Variants in SLC5A10 observed in about 807,000 individuals in gnomAD.
The protein encoded by SLC5A10 is solute carrier family 5 member 10.
SLC5A10 carries 55 observed loss-of-function variants against 68.9 expected under a neutral mutation model. The ratio of observed to expected loss-of-function variants is 0.80; its 90% CI spans 0.64 to 1.00. The LOEUF is 1.00. SLC5A10 is among the 50% of genes least tolerant of loss of function. The probability of loss-of-function intolerance (pLI) is 0.00; values close to 1 mark genes in which losing one functional copy is unlikely to be tolerated. For missense variants in SLC5A10, 732 were observed against 819.3 expected, an observed-to-expected ratio of 0.89 and a Z score of 1.30; for synonymous variants, 344 against 344.8, an observed-to-expected ratio of 1.00 and a Z score of 0.02.
In SLC5A10 at chr17:18,971,945, C is replaced by T. The variant is rs573973177; in HGVS notation, c.846+727C>T. Among the ~76,000 whole-genome samples, 69 of 152,224 alleles carry T rather than the reference C, an allele frequency of 4.5e-4. No individual in the cohort carries two copies. Among genetic ancestry groups the T allele is most frequent in the Non-Finnish European group, 7.6e-4 (52 of 68,038 alleles). ...CCCCTGTCTGTAATATGGGAATAAT[C>T]CTGCCCTTTGTGGGTGTAGCAAGGC... is the stretch of plus-strand genomic sequence containing the variant. On this transcript the variant is annotated intron_variant, in intron 8 of 14. Coordinates refer to ENST00000395645, the MANE Select transcript of SLC5A10 (RefSeq NM_001042450.4). The surrounding 1 kb of genome is among the most constrained non-coding windows in gnomAD (Gnocchi z 5.5).
chr17:18,960,863 C>A (rs1448611823), intron 5 of SLC5A10, among the ~76,000 whole-genome samples: 2 of 152,174 alleles, frequency 1.3e-5, no homozygotes, highest in Non-Finnish European at 2.9e-5. Flanking sequence ...CAGCAGCCAG[C>A]CCTAGTCAGG....
intron 9 of SLC5A10, chr17:18,978,171 C>G (rs1307599617): frequency 2.6e-6 from 4 of 1,537,834 alleles, no homozygotes; most frequent in African/African-American, 1.4e-5. Flanking sequence ...GGCAATGGCT[C>G]AGGGTCCCCC....
intron 1 of SLC5A10, among the ~76,000 whole-genome samples, chr17:18,952,977 C>T (rs1220681752): frequency 6.6e-6 from 1 of 152,078 alleles, no homozygotes; most frequent in Non-Finnish European, 1.5e-5. Context: ...TCGTGGAGGC[C>T]TTCCTGAGGG....
At position 19,020,313 on chromosome 17, in the gene SLC5A10, A is replaced by G. The variant is rs1283966041; in HGVS notation, c.1685-12A>G. On this transcript the variant is annotated splice_polypyrimidine_tract_variant and intron_variant, in intron 14 of 14. Coordinates refer to ENST00000395645, the MANE Select transcript of SLC5A10 (RefSeq NM_001042450.4). Reference sequence around the variant, plus strand: ...CCTTCATCTGTCCCTCTCCTTCTGCAACCCCCTCCAGGTGATGGCCAAACA... The same window carrying G: ...CCTTCATCTGTCCCTCTCCTTCTGCGACCCCCTCCAGGTGATGGCCAAACA... The G allele has an allele frequency of 6.2e-7, 1 of 1,614,008 alleles. No homozygotes were observed. The highest frequency in any genetic ancestry group is 2.2e-5 in the East Asian group (1 of 44,872).
At chr17:18,988,593 TG>T (rs1333075251) in intron 9 of SLC5A10, among the ~76,000 whole-genome samples, 7 of 152,206 alleles carry the variant, frequency 4.6e-5, no homozygotes, top group Non-Finnish European at 1.0e-4. Flanking sequence ...TCTCTTGCCC[TG>T]AAGTTCTAGT....
At chr17:18,964,723 G>A (rs1011637922) in intron 5 of SLC5A10, among the ~76,000 whole-genome samples, 2 of 152,180 alleles carry the variant, frequency 1.3e-5, no homozygotes, top group African/African-American at 2.4e-5. Context: ...AGCTCATGGG[G>A]CTGGGGGTGT....
Position 19,020,532 on chromosome 17 carries a change from C to T in SLC5A10, c.*101C>T. On this transcript the variant is annotated 3_prime_UTR_variant, in exon 15 of 15. Transcript: ENST00000395645. ...CCCCAAGAGGGGCAGATTCCCCTCA[C>T]AGCTGCACAGCAGCTCGGTGCCCAA... 9.0e-7 allele frequency: 1 copy of T among 1,109,730 alleles called. No individual in the cohort carries two copies. Among genetic ancestry groups the T allele is most frequent in the Non-Finnish European group, 1.3e-6 (1 of 767,372 alleles). The allele number at this position is 1,109,730 out of a possible 1,614,324, so 68.7% of individuals were successfully genotyped here. A position where few individuals can be genotyped will look rare whatever the true frequency, so the allele number is the denominator to read the frequency against.
chr17:19,014,985 C>T (rs1331817013), intron 10 of SLC5A10, 64 bp from the exon 11 acceptor site: 24 of 1,566,240 alleles, frequency 1.5e-5, no homozygotes, highest in East Asian at 9.0e-5. Context: ...AGAGCCCAGG[C>T]GGGAGGGGTT....
chr17:19,010,047 C>T (rs540040286), intron 9 of SLC5A10, among the ~76,000 whole-genome samples: 2 of 151,896 alleles, frequency 1.3e-5, no homozygotes, highest in South Asian at 2.1e-4. Flanking sequence ...GGTGGCCGAG[C>T]GAGGTGGCCA....
At chr17:18,957,318 T>C (rs1337183200) in intron 1 of SLC5A10, among the ~76,000 whole-genome samples, 2 of 152,126 alleles carry the variant, frequency 1.3e-5, no homozygotes, top group African/African-American at 2.4e-5. Flanking sequence ...TTTATTCCAC[T>C]TACATGGAGG....
intron 1 of SLC5A10, among the ~76,000 whole-genome samples, chr17:18,954,491 T>C (rs2042447525): frequency 6.6e-6 from 1 of 152,162 alleles, no homozygotes; most frequent in South Asian, 2.1e-4. Flanking sequence ...CTGGCCCAGC[T>C]GGGAGCGGCT....
In SLC5A10 at chr17:19,003,661, G is replaced by A; in HGVS notation, c.983-9749G>A. The A allele has an allele frequency of 2.5e-6, 4 of 1,611,922 alleles. No homozygotes were observed. Among genetic ancestry groups the A allele is most frequent in the Non-Finnish European group, 3.4e-6 (4 of 1,179,406 alleles). On this transcript the variant is annotated intron_variant, in intron 9 of 14. Coordinates refer to ENST00000395645, the MANE Select transcript of SLC5A10 (RefSeq NM_001042450.4). The surrounding 1 kb of genome is among the most constrained non-coding windows in gnomAD (Gnocchi z 4.5). ...GCCAGCCCAGGTCCAGCTGCGGGAT[G>A]GAGCGGTCCGACTTCTGGGGCCAGT...
intron 1 of SLC5A10, among the ~76,000 whole-genome samples, chr17:18,957,685 C>T (rs1259811110): frequency 2.0e-5 from 3 of 152,106 alleles, no homozygotes; most frequent in Non-Finnish European, 2.9e-5. Context: ...AGGATGGACT[C>T]GTTCTCTTGA....
In SLC5A10 at chr17:19,022,340, T is replaced by C; in HGVS notation, c.*1909T>C. 2.3e-6 allele frequency: 1 copy of C among 442,646 alleles called. No individual in the cohort carries two copies. The highest frequency in any genetic ancestry group is 4.1e-6 in the Non-Finnish European group (1 of 246,402). 27.4% of individuals were successfully genotyped at this position (442,646 alleles called of 1,614,324 possible). ...TGCCCACACCCCTGCCTGTCTGCTGTGCAGATGCTGCATCTACATAGAACA... is the reference window on the plus strand; with the variant it reads ...TGCCCACACCCCTGCCTGTCTGCTGCGCAGATGCTGCATCTACATAGAACA... On this transcript the variant is annotated 3_prime_UTR_variant, in exon 15 of 15. Transcript: ENST00000395645.
chr17:18,992,051 C>T (rs898732970), intron 9 of SLC5A10, among the ~76,000 whole-genome samples: 5 of 152,096 alleles, frequency 3.3e-5, no homozygotes, highest in African/African-American at 1.2e-4. Flanking sequence ...AGCGAGCCTG[C>T]GCCTGCCCCA....
intron 5 of SLC5A10, among the ~76,000 whole-genome samples, chr17:18,963,590 G>A (rs1001495800): frequency 3.9e-5 from 6 of 152,246 alleles, no homozygotes; most frequent in Admixed American, 6.5e-5. Context: ...GCGCCCAGGC[G>A]GTCCCCAGAG....
intron 2 of SLC5A10, 87 bp from the exon 3 acceptor site, chr17:18,959,048 T>C: frequency 1.5e-6 from 2 of 1,328,138 alleles, no homozygotes; most frequent in Non-Finnish European, 2.1e-6. Context: ...CGCTTAGGTT[T>C]GTGAGGATGA....
At chr17:18,978,911 C>T (rs368967053) in intron 9 of SLC5A10, 16 of 1,576,452 alleles carry the variant, frequency 1.0e-5, no homozygotes, top group Middle Eastern at 1.7e-4. Flanking sequence ...GCCCAGCCCC[C>T]GTGCACCCAT....
intron 9 of SLC5A10, among the ~76,000 whole-genome samples, chr17:19,011,193 A>G (rs755698695): frequency 9.2e-5 from 14 of 152,160 alleles, no homozygotes; most frequent in Non-Finnish European, 1.8e-4. Flanking sequence ...TGGCCTTAGG[A>G]GCCCTTGGGA....
Sources: gnomAD v4.1 joint callset for allele counts (sites outside exome capture counted in the v4.1 genomes callset) on GRCh38, gnomAD v4.1.1 for gene constraint, Gnocchi (gnomAD v3.1) non-coding constraint, MANE v1.5 for transcripts, NCBI Gene and HGNC (gene_info 2026-07-23, HGNC 2026-07-21) for gene names.